IMP4: variants seen among roughly 807,000 people sequenced by gnomAD.
IMP4 encodes U3 small nucleolar ribonucleoprotein IMP4.
A neutral mutation model predicts 42.7 loss-of-function variants in IMP4; 30 were observed. The observed-to-expected ratio is 0.70, with a 90% CI of 0.53 to 0.95. The LOEUF (loss-of-function observed/expected upper bound fraction) is 0.95. IMP4 is among the 40% of genes least tolerant of loss of function. The probability of loss-of-function intolerance (pLI) is 0.00; values close to 1 mark genes in which losing one functional copy is unlikely to be tolerated. For synonymous variants in IMP4, 165 were observed against 165.2 expected, an observed-to-expected ratio of 1.00 and a Z score of 0.01; for missense variants, 382 against 411.4, an observed-to-expected ratio of 0.93 and a Z score of 0.62.
Position 130,343,035 on chromosome 2 carries a change from T to C in IMP4, c.4-51T>C, listed in dbSNP as rs940832292. ...GCTCAGCGGCTCCGGGGCTCCGGGG[T>C]TCCGGGGCTCGGGAGCGAGTAGTGA... On this transcript the variant is annotated intron_variant, in intron 1 of 8. Transcript: ENST00000259239. The C allele has an allele frequency of 1.9e-6, 3 of 1,602,364 alleles. No individual in the cohort carries two copies. The African/African-American group carries it at 4.0e-5, about 21-fold the overall frequency.
At chr2:130,346,295 C>T (rs542005242) in intron 8 of IMP4, 21 bp downstream of exon 8, 46 of 1,613,020 alleles carry the variant, frequency 2.9e-5, no homozygotes, top group East Asian at 4.5e-5. Context: ...GGCTGAATCC[C>T]GTGTCTGGGG....
In IMP4 at chr2:130,346,055, A is replaced by G. The variant is rs778961758; in HGVS notation, c.632A>G (p.Lys211Arg). ...CTCCGATACCTATTTCCCGTGCCCA[A>G]AGATGACAGCCACCGGGTCATCACC... Reference protein sequence around the residue: ...DILRYLFPVPKDDSHRVITFA... With the variant: ...DILRYLFPVPRDDSHRVITFA... The change falls in exon 7 of 9, where the codon AAA (lysine) becomes AGA (arginine). Residue 211 changes from lysine (K) to arginine (R), a missense_variant. Transcript: ENST00000259239. 4 of 1,614,154 alleles carry G rather than the reference A, an allele frequency of 2.5e-6. No individual in the cohort carries two copies. In the South Asian group the frequency reaches 3.3e-5, roughly 13 times the overall value.
chr2:130,345,570 C>G lies in IMP4; in HGVS notation c.310C>G (p.Leu104Val), dbSNP rs189608872. The part of the protein sequence containing the change: ...SSRLKMFAKE[L>V]KLVFPGAQRM... ...GTACACTGCCATCCACGCCCAGGAG[C>G]TGAAGCTGGTGTTCCCGGGCGCCCA... Residue 104 changes from leucine to valine, a missense_variant, in exon 5 of 9, where the codon CTG becomes GTG. Physicochemically the swap from Leu to Val is conservative, Grantham distance 32. Coordinates refer to ENST00000259239, the MANE Select transcript of IMP4 (RefSeq NM_033416.3). This position sits in a 1 kb window ranked among gnomAD's most constrained non-coding sequence, Gnocchi z 4.9. 1.9e-6 allele frequency: 3 copies of G among 1,614,226 alleles called. No individual in the cohort carries two copies. Among genetic ancestry groups the G allele is most frequent in the Non-Finnish European group, 2.5e-6 (3 of 1,180,044 alleles).
rs930233828 is a variant in IMP4 at position 130,343,330 on chromosome 2, T to C, written c.112+136T>C. ...TGGGTTCTCCTGTTGGTTTTGAGAG[T>C]GTTTCTTCCGTGTGATGGTATTAAT... On this transcript the variant is annotated intron_variant, in intron 2 of 8. Transcript: ENST00000259239. The C allele has an allele frequency of 1.9e-5, 14 of 740,248 alleles. No individual in the cohort carries two copies. In the African/African-American group the frequency reaches 2.4e-4, roughly 13 times the overall value. The allele number at this position is 740,248 out of a possible 1,614,324, so 45.9% of individuals were successfully genotyped here.
At position 130,343,147 on chromosome 2, in the gene IMP4, A is replaced by G. The variant is rs1679167003; in HGVS notation, c.65A>G (p.Gln22Arg). 12 of 1,550,256 alleles carry G rather than the reference A, an allele frequency of 7.7e-6. No individual in the cohort carries two copies. The highest frequency in any genetic ancestry group is 1.0e-5 in the Non-Finnish European group (12 of 1,145,846). Residue 22 changes from glutamine to arginine, a missense_variant, in exon 2 of 9, where the codon CAG becomes CGG. Gln to Arg is a conservative substitution (Grantham distance 43, BLOSUM62 1). Coordinates refer to ENST00000259239, the MANE Select transcript of IMP4 (RefSeq NM_033416.3). ...TACCGCAAGGCCCGGGAGGAGGCGC[A>G]GCGCTCAGCCCAGGAGAGGAAGGAG... ...YLYRKAREEA[Q>R]RSAQERKERL...
chr2:130,344,586 C>A, intron 2 of IMP4, 43 bp from the exon 3 acceptor site: 1 of 1,320,294 alleles, frequency 7.6e-7, no homozygotes, highest in African/African-American at 1.4e-5. Flanking sequence ...GCTGAGGTCT[C>A]CATGCTTGTG....
In IMP4 at chr2:130,344,683, C is replaced by T. The variant is rs757187904; in HGVS notation, c.167C>T (p.Ser56Phe). 9 of 1,613,840 alleles carry T rather than the reference C, an allele frequency of 5.6e-6. No individual in the cohort carries two copies. The South Asian group carries it at 8.8e-5, about 16-fold the overall frequency. ...CGAGAGGCTCTGGCCTTACAGGGGT[C>T]CCTGGAGTTTGATGATGCTGGAGGT... The part of the protein sequence containing the change: ...LRREALALQG[S>F]LEFDDAGGEG... Residue 56 changes from serine to phenylalanine, a missense_variant, in exon 3 of 9, where the codon TCC (serine) becomes TTC (phenylalanine). Coordinates refer to ENST00000259239, the MANE Select transcript of IMP4 (RefSeq NM_033416.3).
At chr2:130,343,602 G>C (rs1679240978) in intron 2 of IMP4, among the ~76,000 whole-genome samples, 1 of 151,996 alleles carries the variant, frequency 6.6e-6, no homozygotes, top group Admixed American at 6.6e-5. Flanking sequence ...AGCCGGCCGT[G>C]GTGGCACGCG....
chr2:130,345,544 T>C lies in IMP4; in HGVS notation c.307-23T>C, dbSNP rs762738867. On this transcript the variant is annotated intron_variant, in intron 4 of 8. Transcript: ENST00000259239. This position sits in a 1 kb window ranked among gnomAD's most constrained non-coding sequence, Gnocchi z 4.9. ...CAGGACACACAGCCCCAGTCCTGAC[T>C]GTACACTGCCATCCACGCCCAGGAG... 1 of 1,614,136 alleles carries C rather than the reference T, an allele frequency of 6.2e-7. No individual in the cohort carries two copies.
chr2:130,344,678 G>A lies in IMP4; in HGVS notation c.162G>A (p.Gln54=). 1 of 1,614,062 alleles carries A rather than the reference G, an allele frequency of 6.2e-7. No individual in the cohort carries two copies. Among genetic ancestry groups the A allele is most frequent in the Non-Finnish European group, 8.5e-7 (1 of 1,179,888 alleles). Residue 54 remains glutamine (Q), a synonymous_variant, in exon 3 of 9, where the codon CAG becomes CAA. Transcript: ENST00000259239. The part of the protein sequence containing the change: ...TELRREALAL[Q]GSLEFDDAGG... ...TACGCCGAGAGGCTCTGGCCTTACA[G>A]GGGTCCCTGGAGTTTGATGATGCTG... is the stretch of plus-strand genomic sequence containing the variant.
In IMP4 at chr2:130,347,338, ATTCT is replaced by A. The variant is rs1400310217; in HGVS notation, c.*873_*876del. 2.0e-5 allele frequency: 3 copies of A among 152,244 alleles called. No individual in the cohort carries two copies. In the South Asian group the frequency reaches 6.2e-4, roughly 32 times the overall value. 9.4% of individuals were successfully genotyped at this position (152,244 alleles called of 1,614,324 possible). On this transcript the variant is annotated 3_prime_UTR_variant, in exon 9 of 9. Transcript: ENST00000259239. Reference sequence around the variant, plus strand: ...CCCTTTTCTCCACATTGTTGCCAACATTCTTTATCTTGTGTTTTTTAATAACAGC... The same window carrying A: ...CCCTTTTCTCCACATTGTTGCCAACATTATCTTGTGTTTTTTAATAACAGC...
At position 130,344,667 on chromosome 2, in the gene IMP4, C is replaced by T. The variant is rs1175312858; in HGVS notation, c.151C>T (p.Leu51=). The change falls in exon 3 of 9, where the codon CTG becomes TTG. Residue 51 remains leucine (L), a synonymous_variant. Transcript: ENST00000259239. Reference sequence around the variant, plus strand: ...TCCCACTGAGTTACGCCGAGAGGCTCTGGCCTTACAGGGGTCCCTGGAGTT... The same window carrying T: ...TCCCACTGAGTTACGCCGAGAGGCTTTGGCCTTACAGGGGTCCCTGGAGTT... ...LIPTELRREA[L]ALQGSLEFDD... 3.7e-6 allele frequency: 6 copies of T among 1,614,038 alleles called. No individual in the cohort carries two copies. The African/African-American group carries it at 5.3e-5, about 14-fold the overall frequency.
chr2:130,345,771 C>T lies in IMP4; in HGVS notation c.440-8C>T. 2 of 1,613,242 alleles carry T rather than the reference C, an allele frequency of 1.2e-6. No individual in the cohort carries two copies. The highest frequency in any genetic ancestry group is 1.7e-6 in the Non-Finnish European group (2 of 1,180,010). ...ACGGGGTCTCTGACAGCCACCTTTCCCCGCCAGTGGGGCTCATCGTCAGCC... is the reference window on the plus strand; with the variant it reads ...ACGGGGTCTCTGACAGCCACCTTTCTCCGCCAGTGGGGCTCATCGTCAGCC... On this transcript the variant is annotated splice_polypyrimidine_tract_variant and splice_region_variant and intron_variant, in intron 5 of 8. Transcript: ENST00000259239. The surrounding 1 kb of genome is among the most constrained non-coding windows in gnomAD (Gnocchi z 4.9).
At chr2:130,346,172 G>C in intron 7 of IMP4, 29 bp from the exon 8 acceptor site, 1 of 1,613,716 alleles carries the variant, frequency 6.2e-7, no homozygotes, top group East Asian at 2.2e-5. Context: ...CGTGCTGCTT[G>C]CCGTTGACCC....
rs768386617 is a variant in IMP4, at chr2:130,345,516, A to T, written c.306+31A>T. The T allele has an allele frequency of 3.1e-6, 5 of 1,613,970 alleles. No homozygotes were observed. The highest frequency in any genetic ancestry group is 4.2e-6 in the Non-Finnish European group (5 of 1,179,968). Reference sequence around the variant, plus strand: ...GGTGAGCAGGGAGTGAGGGAGAGACACCCAGGACACACAGCCCCAGTCCTG... The same window carrying T: ...GGTGAGCAGGGAGTGAGGGAGAGACTCCCAGGACACACAGCCCCAGTCCTG... On this transcript the variant is annotated intron_variant, in intron 4 of 8. Coordinates refer to ENST00000259239, the MANE Select transcript of IMP4 (RefSeq NM_033416.3). The surrounding 1 kb of genome is among the most constrained non-coding windows in gnomAD (Gnocchi z 4.9).
chr2:130,345,141 A>G lies in IMP4; in HGVS notation c.197-235A>G. The G allele has an allele frequency of 1.7e-6, 1 of 584,720 alleles. No individual in the cohort carries two copies. The highest frequency in any genetic ancestry group is 3.1e-6 in the Non-Finnish European group (1 of 327,044). The allele number at this position is 584,720 out of a possible 1,614,324, so 36.2% of individuals were successfully genotyped here. On this transcript the variant is annotated intron_variant, in intron 3 of 8. Coordinates refer to ENST00000259239, the MANE Select transcript of IMP4 (RefSeq NM_033416.3). This position sits in a 1 kb window ranked among gnomAD's most constrained non-coding sequence, Gnocchi z 4.9. ...TGTAATGGAGTAGCTGCTTAGCCCC[A>G]TGTGACTAATATAGCTTAAGCAAAC...
chr2:130,343,463 C>G (rs1030892473), intron 2 of IMP4: 3 of 618,600 alleles, frequency 4.8e-6, no homozygotes, highest in African/African-American at 1.8e-5. Context: ...TGTAGAAATT[C>G]TCTTTAGAGC....
chr2:130,343,809 C>T (rs1275942310), intron 2 of IMP4, among the ~76,000 whole-genome samples: 1 of 152,132 alleles, frequency 6.6e-6, no homozygotes, highest in African/African-American at 2.4e-5. Flanking sequence ...ACTGCGCTGC[C>T]CATCCTCCCT....
At chr2:130,344,345 C>T (rs1573837402) in intron 2 of IMP4, among the ~76,000 whole-genome samples, 1 of 151,774 alleles carries the variant, frequency 6.6e-6, no homozygotes, top group Non-Finnish European at 1.5e-5. Context: ...AAAAAAAAAT[C>T]GATGTTTAGA....
Sources: allele counts gnomAD v4.1 joint callset (sites outside exome capture counted in the v4.1 genomes callset), GRCh38; gene constraint gnomAD v4.1.1; non-coding constraint Gnocchi (gnomAD v3.1); transcripts MANE v1.5; gene names NCBI Gene and HGNC (gene_info 2026-07-23, HGNC 2026-07-21).